The following CACNA2D2 variants were observed in gnomAD, a reference collection of about 807,000 sequenced individuals.
CACNA2D2 encodes calcium voltage-gated channel auxiliary subunit alpha2delta 2, also known as voltage-dependent calcium channel subunit alpha-2/delta-2.
In CACNA2D2, 48 loss-of-function variants were observed where a neutral mutation model predicts 166.4. That is an observed-to-expected ratio of 0.29 (90% confidence interval 0.23 to 0.37). The LOEUF (loss-of-function observed/expected upper bound fraction) is 0.37. Among genes scored for constraint, CACNA2D2 ranks in the 10% least tolerant of loss-of-function variants. CACNA2D2 has a pLI of 1.00. For missense variants in CACNA2D2, 1,122 were observed against 1,433.0 expected, an observed-to-expected ratio of 0.78 and a Z score of 3.50; for synonymous variants, 561 against 573.7, an observed-to-expected ratio of 0.98 and a Z score of 0.32.
In CACNA2D2 at chr3:50,364,390, C is replaced by T. The variant is rs1453884664; in HGVS notation, c.*276G>A. ...TTTGGCACCAGTGCGTGTGGCCTCC[C>T]TGTCCCATCCCACTGGGGGGAGCCC... On this transcript the variant is annotated 3_prime_UTR_variant, in exon 38 of 38. Coordinates refer to ENST00000424201, the MANE Select transcript of CACNA2D2 (RefSeq NM_006030.4). 2.2e-6 allele frequency: 1 copy of T among 458,508 alleles called. No individual in the cohort carries two copies. The highest frequency in any genetic ancestry group is 3.8e-6 in the Non-Finnish European group (1 of 261,026). The allele number at this position is 458,508 out of a possible 1,614,324, so 28.4% of individuals were successfully genotyped here.
Position 50,379,168 on chromosome 3 carries a change from A to G in CACNA2D2, c.1184T>C (p.Met395Thr). The G allele has an allele frequency of 6.2e-7, 1 of 1,613,974 alleles. No individual in the cohort carries two copies. Among genetic ancestry groups the G allele is most frequent in the Non-Finnish European group, 8.5e-7 (1 of 1,179,974 alleles). Residue 395 changes from methionine to threonine, a missense_variant, in exon 12 of 38, where the codon ATG becomes ACG. Transcript: ENST00000424201. The surrounding 1 kb of genome is among the most constrained non-coding windows in gnomAD (Gnocchi z 6.5). ...ACCACCATCCGTGAACATCATGATC[A>G]TCTTGTTGCAGTTGGCCCGAGTGAT... Reference protein sequence around the residue: ...SNITRANCNKMIMMFTDGGED... With the variant: ...SNITRANCNKTIMMFTDGGED...
At chr3:50,477,947 C>G (rs1697866802) in intron 1 of CACNA2D2, among the ~76,000 whole-genome samples, 1 of 152,098 alleles carries the variant, frequency 6.6e-6, no homozygotes, top group Admixed American at 6.5e-5. Flanking sequence ...GGGGCTGGGC[C>G]CATGCAACTG....
intron 2 of CACNA2D2, among the ~76,000 whole-genome samples, chr3:50,475,594 A>T (rs1256236205): frequency 6.6e-6 from 1 of 152,032 alleles, no homozygotes. Context: ...ACATTAACAT[A>T]ATCTCCCAGG....
intron 2 of CACNA2D2, 73 bp downstream of exon 2, chr3:50,476,045 C>T: frequency 7.5e-7 from 1 of 1,324,664 alleles, no homozygotes; most frequent in Admixed American, 2.0e-5. Context: ...CTTCCTCACT[C>T]CTTATTTCTG....
At chr3:50,411,245 C>T (rs916805757) in intron 3 of CACNA2D2, among the ~76,000 whole-genome samples, 1 of 152,242 alleles carries the variant, frequency 6.6e-6, no homozygotes, top group Non-Finnish European at 1.5e-5. Context: ...CCAGCCCTCA[C>T]ACCAGCCTGT....
chr3:50,466,199 G>A (rs1397865852), intron 2 of CACNA2D2, among the ~76,000 whole-genome samples: 5 of 152,162 alleles, frequency 3.3e-5, no homozygotes, highest in Non-Finnish European at 7.4e-5. Flanking sequence ...CCCCCATGCA[G>A]GGCTGCTGAG....
chr3:50,503,174 C>T (rs1699055720), intron 1 of CACNA2D2, 44 bp downstream of exon 1: 1 of 1,134,330 alleles, frequency 8.8e-7, no homozygotes, highest in Non-Finnish European at 1.1e-6. Context: ...CAGAGCGGGG[C>T]GCAAGGCTCG....
At position 50,503,478 on chromosome 3, in the gene CACNA2D2, G is replaced by T. The variant is rs1439824170; in HGVS notation, c.-55C>A. On this transcript the variant is annotated 5_prime_UTR_variant, in exon 1 of 38. Coordinates refer to ENST00000424201, the MANE Select transcript of CACNA2D2 (RefSeq NM_006030.4). ...AGGGGGGGCAGTGGCGGCGGCGGCG[G>T]CGGCGGCGGGGTTGGGGGGGCGCGG... 1.9e-4 allele frequency: 34 copies of T among 183,192 alleles called. No homozygotes were observed. The South Asian group carries it at 2.0e-3, about 11-fold the overall frequency. The allele number at this position is 183,192 out of a possible 1,614,324, so 11.3% of individuals were successfully genotyped here.
rs1236362987 is a variant in CACNA2D2 at position 50,376,278 on chromosome 3, C to T, written c.1627-90G>A. On this transcript the variant is annotated intron_variant, in intron 17 of 37. Coordinates refer to ENST00000424201, the MANE Select transcript of CACNA2D2 (RefSeq NM_006030.4). This position sits in a 1 kb window ranked among gnomAD's most constrained non-coding sequence, Gnocchi z 4.3. ...TTCTTCCCTATTTGGCCTCCCACCG[C>T]ACCGAGAGATTCTGTTTGCCTGCCT... 3.0e-6 allele frequency: 4 copies of T among 1,330,070 alleles called. No homozygotes were observed. Among genetic ancestry groups the T allele is most frequent in the Non-Finnish European group, 3.2e-6 (3 of 950,390 alleles). 82.4% of individuals were successfully genotyped at this position (1,330,070 alleles called of 1,614,324 possible).
At chr3:50,459,823 G>A (rs1709517426) in intron 2 of CACNA2D2, among the ~76,000 whole-genome samples, 1 of 152,120 alleles carries the variant, frequency 6.6e-6, no homozygotes. Flanking sequence ...CCTGGGGAGG[G>A]GTCAGCAGAC....
intron 3 of CACNA2D2, among the ~76,000 whole-genome samples, chr3:50,432,930 T>C (rs376072768): frequency 2.2e-4 from 33 of 152,270 alleles, no homozygotes; most frequent in African/African-American, 7.9e-4. Flanking sequence ...CCACCCTGAC[T>C]TAACCCAGCC....
At chr3:50,394,192 T>A in intron 3 of CACNA2D2, 24 bp from the exon 4 acceptor site, 5 of 1,611,058 alleles carry the variant, frequency 3.1e-6, no homozygotes, top group Non-Finnish European at 4.2e-6. Context: ...CACAGGGAGG[T>A]CAGAAGCGGA....
At chr3:50,394,913 G>T (rs572346373) in intron 3 of CACNA2D2, among the ~76,000 whole-genome samples, 1 of 152,252 alleles carries the variant, frequency 6.6e-6, no homozygotes, top group South Asian at 2.1e-4. Context: ...AGGAGAGGTT[G>T]AGGGACAGGA....
chr3:50,456,147 A>G (rs1709349226), intron 2 of CACNA2D2, among the ~76,000 whole-genome samples: 1 of 152,228 alleles, frequency 6.6e-6, no homozygotes, highest in African/African-American at 2.4e-5. Context: ...TGAGGCATAG[A>G]GAAGTGGAGT....
At chr3:50,368,305 A>G (rs1474183998) in intron 23 of CACNA2D2, 70 bp from the exon 24 acceptor site, 2 of 958,004 alleles carry the variant, frequency 2.1e-6, no homozygotes, top group East Asian at 4.8e-5. Flanking sequence ...AAGGCTTCCC[A>G]ACAGGCCCAC....
intron 3 of CACNA2D2, among the ~76,000 whole-genome samples, chr3:50,424,553 T>C (rs1025136505): frequency 1.3e-5 from 2 of 152,174 alleles, no homozygotes; most frequent in African/African-American, 4.8e-5. Context: ...CCTGGTCAAG[T>C]ATCCCCATGG....
chr3:50,454,237 A>G (rs1413448643), intron 2 of CACNA2D2, among the ~76,000 whole-genome samples: 1 of 152,158 alleles, frequency 6.6e-6, no homozygotes, highest in Non-Finnish European at 1.5e-5. Flanking sequence ...CTAGGAACCG[A>G]GTCCAGGAGG....
At chr3:50,474,955 T>C (rs996627149) in intron 2 of CACNA2D2, among the ~76,000 whole-genome samples, 1 of 151,830 alleles carries the variant, frequency 6.6e-6, no homozygotes, top group Admixed American at 6.6e-5. Flanking sequence ...AGGAAAGGGG[T>C]GTTTAGTGTC....
upstream of CACNA2D2, chr3:50,503,648 G>C (rs953321321): frequency 5.0e-5 from 8 of 159,072 alleles, no homozygotes; most frequent in East Asian, 1.8e-4. Context: ...CGCCCGGCCC[G>C]GGACCTGCGC....
Sources: gnomAD v4.1 joint callset for allele counts (sites outside exome capture counted in the v4.1 genomes callset) on GRCh38, gnomAD v4.1.1 for gene constraint, Gnocchi (gnomAD v3.1) non-coding constraint, MANE v1.5 for transcripts, NCBI Gene and HGNC (gene_info 2026-07-23, HGNC 2026-07-21) for gene names.